CDC42BPB: variants seen among roughly 807,000 people sequenced by gnomAD.
The protein encoded by CDC42BPB is CDC42 binding protein kinase beta, also known as serine/threonine-protein kinase MRCK beta.
In CDC42BPB, 37 loss-of-function variants were observed where a neutral mutation model predicts 214.9. The ratio of observed to expected loss-of-function variants is 0.17; its 90% CI spans 0.13 to 0.23. The LOEUF (loss-of-function observed/expected upper bound fraction) is 0.23. Ranked by LOEUF, CDC42BPB falls within the 10% of genes least tolerant of loss-of-function variation. The pLI is 1.00. For synonymous variants in CDC42BPB, 931 were observed against 884.0 expected (o/e 1.05, Z -0.94); for missense variants, 1,694 against 2,227.0 (o/e 0.76, Z 4.82).
chr14:103,054,118 C>G (rs900982180), intron 1 of CDC42BPB, among the ~76,000 whole-genome samples: 1 of 152,188 alleles, frequency 6.6e-6, no homozygotes, highest in African/African-American at 2.4e-5. Flanking sequence ...TCCACCTTGG[C>G]CTCCCAAAGT....
chr14:103,043,338 G>A (rs934510859), intron 1 of CDC42BPB, among the ~76,000 whole-genome samples: 7 of 152,154 alleles, frequency 4.6e-5, no homozygotes, highest in Admixed American at 1.3e-4. Flanking sequence ...TCCACACAAC[G>A]GAGTACTATT....
At chr14:102,999,761 C>A (rs1237861061) in intron 4 of CDC42BPB, 48 bp from the exon 5 acceptor site, 1 of 1,607,446 alleles carries the variant, frequency 6.2e-7, no homozygotes, top group East Asian at 2.2e-5. Flanking sequence ...TTAGTCACCA[C>A]TAAACCTGAC....
In CDC42BPB at chr14:102,964,489, T is replaced by A. The variant is rs753595846; in HGVS notation, c.2726+13A>T. The A allele has an allele frequency of 8.1e-6, 13 of 1,612,828 alleles. No individual in the cohort carries two copies. The highest frequency in any genetic ancestry group is 1.1e-5 in the Non-Finnish European group (13 of 1,179,816). ...ACTGCTCCTACCTGGAGTCAGACCC[T>A]GGCACCAAGTACCTTTCCAAGGTGA... On this transcript the variant is annotated intron_variant, in intron 19 of 36. Transcript: ENST00000361246.
intron 1 of CDC42BPB, among the ~76,000 whole-genome samples, chr14:103,054,899 G>A (rs1335451258): frequency 6.6e-6 from 1 of 152,264 alleles, no homozygotes; most frequent in Non-Finnish European, 1.5e-5. Flanking sequence ...CTTCCTCCAG[G>A]GAAGCCCACC....
rs6575937 is a variant in CDC42BPB at position 102,987,788 on chromosome 14, A to C, written c.597-1208T>G. On this transcript the variant is annotated intron_variant, in intron 5 of 36. Coordinates refer to ENST00000361246, the MANE Select transcript of CDC42BPB (RefSeq NM_006035.4). ...CAAAACAAAATCCCACAAACACACA[A>C]ACACACACACACACACACACACACA... Among the ~76,000 whole-genome samples, 940 of 140,812 alleles carry C rather than the reference A, an allele frequency of 6.7e-3. 14 individuals are homozygous for C. Among genetic ancestry groups the C allele is most frequent in the African/African-American group, 0.019 (714 of 37,542 alleles). 92.4% of individuals were successfully genotyped at this position (140,812 alleles called of 152,430 possible). A position where few individuals can be genotyped will look rare whatever the true frequency, so the allele number is the denominator to read the frequency against.
Position 102,987,788 on chromosome 14 carries a change from A to ACACACACACACAC in CDC42BPB, c.597-1209_597-1208insGTGTGTGTGTGTG, listed in dbSNP as rs1894312194. 2.6e-4 allele frequency among the ~76,000 whole-genome samples: 37 copies of ACACACACACACAC among 140,848 alleles called. 1 individual carries two copies. Among genetic ancestry groups the ACACACACACACAC allele is most frequent in the African/African-American group, 9.6e-4 (36 of 37,552 alleles). The allele number at this position is 140,848 out of a possible 152,430, so 92.4% of individuals were successfully genotyped here. On this transcript the variant is annotated intron_variant, in intron 5 of 36. Coordinates refer to ENST00000361246, the MANE Select transcript of CDC42BPB (RefSeq NM_006035.4). The stretch of plus-strand genomic sequence containing the variant: ...CAAAACAAAATCCCACAAACACACA[A>ACACACACACACAC]ACACACACACACACACACACACACA...
rs34688101 is a variant in CDC42BPB at position 102,934,242 on chromosome 14, C to T, written c.5005-399G>A. 781 of 167,318 alleles carry T rather than the reference C, an allele frequency of 4.7e-3. 10 individuals carry two copies. Among genetic ancestry groups the T allele is most frequent in the African/African-American group, 0.018 (753 of 41,722 alleles). 10.4% of individuals were successfully genotyped at this position (167,318 alleles called of 1,614,324 possible). ...GGTAACACCCCATCTCTACTGAAAA[C>T]ACAAAAATCAGGCCGGGCGTGGTGG... On this transcript the variant is annotated intron_variant, in intron 36 of 36. Coordinates refer to ENST00000361246, the MANE Select transcript of CDC42BPB (RefSeq NM_006035.4).
At chr14:103,020,814 C>T (rs1396553455) in intron 1 of CDC42BPB, among the ~76,000 whole-genome samples, 2 of 152,240 alleles carry the variant, frequency 1.3e-5, no homozygotes, top group Admixed American at 6.5e-5. Context: ...AGACGGCTGA[C>T]GCAGCTACGG....
At chr14:102,980,715 C>G in intron 8 of CDC42BPB, 58 bp downstream of exon 8, 1 of 1,536,922 alleles carries the variant, frequency 6.5e-7, no homozygotes, top group Non-Finnish European at 9.0e-7. Flanking sequence ...GCCCTCAACA[C>G]AGCACTGCAT....
intron 29 of CDC42BPB, chr14:102,945,403 G>C (rs1349786766): frequency 9.1e-6 from 5 of 546,974 alleles, no homozygotes; most frequent in Non-Finnish European, 1.7e-5. Context: ...AGCTGCAGCT[G>C]TTCCTCCTCC....
Position 103,057,001 on chromosome 14 carries a change from C to A in CDC42BPB, c.173G>T (p.Trp58Leu), listed in dbSNP as rs1889021474. 1 of 1,458,628 alleles carries A rather than the reference C, an allele frequency of 6.9e-7. No homozygotes were observed. The highest frequency in any genetic ancestry group is 9.0e-7 in the Non-Finnish European group (1 of 1,105,520). 90.4% of individuals were successfully genotyped at this position (1,458,628 alleles called of 1,614,324 possible). ...RDKYVAEFLE[W>L]AKPFTQLVKE... ...CGGCCCTGCCGGCGCGCACTTACCC[C>A]ACTCGAGGAACTCGGCCACGTACTT... Residue 58 changes from tryptophan to leucine, a missense_variant and splice_region_variant, in exon 1 of 37, where the codon TGG becomes TTG. Physicochemically the swap from Trp to Leu is moderately conservative, Grantham distance 61 (BLOSUM62 -2). This residue lies in a region of CDC42BPB where 83 missense variants were observed against 79.9 expected (regional missense o/e 1.04). Transcript: ENST00000361246.
intron 1 of CDC42BPB, among the ~76,000 whole-genome samples, chr14:103,020,097 C>G (rs1886684429): frequency 6.6e-6 from 1 of 152,256 alleles, no homozygotes; most frequent in African/African-American, 2.4e-5. Flanking sequence ...CCCTGTCCGG[C>G]AGAAGCTCTC....
At chr14:103,030,599 G>C (rs941308244) in intron 1 of CDC42BPB, among the ~76,000 whole-genome samples, 1 of 152,216 alleles carries the variant, frequency 6.6e-6, no homozygotes, top group Non-Finnish European at 1.5e-5. Flanking sequence ...GGGCGGCTGA[G>C]GCGGGAGGAT....
chr14:102,968,479 G>A lies in CDC42BPB; in HGVS notation c.2233C>T (p.Arg745Ter). ...AAGCTCATGAAAACCTACCGTTCTC[G>A]CTTTGACTTTTCTAACTTATCTTTT... Reference protein sequence around the residue: ...MLKDKLEKSKRERHNEMEEAV... With the variant: ...MLKDKLEKSK The change falls in exon 15 of 37, where the codon CGA (arginine) becomes TGA (stop). Residue 745 changes from arginine to a stop codon, truncating the protein, a stop_gained. Coordinates refer to ENST00000361246, the MANE Select transcript of CDC42BPB (RefSeq NM_006035.4). LOFTEE classifies it high-confidence loss of function. 1 of 1,614,038 alleles carries A rather than the reference G, an allele frequency of 6.2e-7. No homozygotes were observed. Among genetic ancestry groups the A allele is most frequent in the Non-Finnish European group, 8.5e-7 (1 of 1,180,022 alleles).
At chr14:102,940,540 T>C (rs1891845359) in intron 30 of CDC42BPB, 2 of 1,301,876 alleles carry the variant, frequency 1.5e-6, no homozygotes, top group Non-Finnish European at 2.0e-6. Context: ...TGCTCCACAA[T>C]CACTTCCGTA....
Position 102,967,111 on chromosome 14 carries a change from C to A in CDC42BPB, c.2406G>T (p.Gln802His), listed in dbSNP as rs1335667114. Reference protein sequence around the residue: ...AQNRQLEDELQDLAAKKESVA... With the variant: ...AQNRQLEDELHDLAAKKESVA... ...CTGACTCCTTCTTGGCTGCCAGATC[C>A]TGCAGCTCATCCTCCAGCTGTCTAT... is the stretch of plus-strand genomic sequence containing the variant. Residue 802 changes from glutamine (Q) to histidine (H), a missense_variant, in exon 17 of 37, where the codon CAG becomes CAT. By Grantham distance (24) the Gln-to-His change is conservative. Transcript: ENST00000361246. 1.2e-6 allele frequency: 2 copies of A among 1,614,186 alleles called. No individual in the cohort carries two copies. The highest frequency in any genetic ancestry group is 3.3e-5 in the Admixed American group (2 of 60,034).
At chr14:103,039,111 G>A (rs1020526484) in intron 1 of CDC42BPB, among the ~76,000 whole-genome samples, 4 of 151,072 alleles carry the variant, frequency 2.6e-5, no homozygotes, top group African/African-American at 4.9e-5. Flanking sequence ...TCTACAACAG[G>A]CACAAAGATT....
chr14:102,992,807 TAAAA>T (rs1008831572), intron 5 of CDC42BPB, among the ~76,000 whole-genome samples: 2 of 148,400 alleles, frequency 1.3e-5, no homozygotes, highest in Non-Finnish European at 3.0e-5. Context: ...AAATATATAT[TAAAA>T]ATATATATTT....
intron 1 of CDC42BPB, among the ~76,000 whole-genome samples, chr14:103,034,710 T>C (rs759461265): frequency 2.6e-5 from 4 of 151,022 alleles, no homozygotes; most frequent in Non-Finnish European, 4.4e-5. Context: ...CCCAGCTACT[T>C]GGGAGGCTGA....
Sources: gnomAD v4.1 joint callset for allele counts (sites outside exome capture counted in the v4.1 genomes callset) on GRCh38, gnomAD v4.1.1 for gene constraint, gnomAD v4.1.1 regional missense constraint, MANE v1.5 for transcripts, NCBI Gene and HGNC (gene_info 2026-07-23, HGNC 2026-07-21) for gene names.